Variants in PKP4 observed in about 807,000 individuals in gnomAD.
PKP4 encodes the protein plakophilin-4.
Under a neutral mutation model 145.1 loss-of-function variants are expected in PKP4, and 90 were observed. That is an observed-to-expected ratio of 0.62 (90% confidence interval 0.52 to 0.74). The LOEUF (loss-of-function observed/expected upper bound fraction) is 0.74. Among genes scored for constraint, PKP4 ranks in the 30% least tolerant of loss-of-function variants. The probability of loss-of-function intolerance (pLI) is 0.00; values close to 1 mark genes in which losing one functional copy is unlikely to be tolerated. For missense variants in PKP4, 1,340 were observed against 1,482.7 expected, an observed-to-expected ratio of 0.90 and a Z score of 1.58; for synonymous variants, 563 against 577.2, an observed-to-expected ratio of 0.98 and a Z score of 0.35.
In PKP4 at chr2:158,621,290, C is replaced by G. The variant is rs1271283452; in HGVS notation, c.472C>G (p.Gln158Glu). 6.2e-7 allele frequency: 1 copy of G among 1,614,002 alleles called. No homozygotes were observed. The highest frequency in any genetic ancestry group is 2.2e-5 in the East Asian group (1 of 44,892). The part of the protein sequence containing the change: ...QMNSYSDSGY[Q>E]EAGSFHNSQN... ...GAATTCTTATTCCGACAGTGGATAC[C>G]AGGAAGCAGGGAGTTTCCACAACAG... Residue 158 changes from glutamine to glutamate, a missense_variant, in exon 6 of 22, where the codon CAG becomes GAG. Gln to Glu is a conservative substitution (Grantham distance 29). Transcript: ENST00000389759.
At chr2:158,623,444 A>G (rs892569074) in intron 6 of PKP4, among the ~76,000 whole-genome samples, 1 of 151,884 alleles carries the variant, frequency 6.6e-6, no homozygotes, top group African/African-American at 2.4e-5. Flanking sequence ...CAGTCTCCCA[A>G]TGTGTAGGGA....
intron 2 of PKP4, among the ~76,000 whole-genome samples, chr2:158,544,738 ACTC>A (rs2044829481): frequency 1.3e-5 from 2 of 152,064 alleles, no homozygotes; most frequent in Non-Finnish European, 2.9e-5. Flanking sequence ...CTCTGCCACT[ACTC>A]CAACTTATCT....
chr2:158,563,559 A>G (rs2046718048), intron 2 of PKP4, among the ~76,000 whole-genome samples: 1 of 152,152 alleles, frequency 6.6e-6, no homozygotes, highest in Admixed American at 6.5e-5. Flanking sequence ...GAATCCTATT[A>G]TGTAGATGTA....
chr2:158,522,654 C>T (rs112581845), intron 1 of PKP4, among the ~76,000 whole-genome samples: 9,601 of 152,252 alleles, frequency 0.063, 398 homozygotes, highest in South Asian at 0.11. Context: ...GGAACAGCTC[C>T]GGTCTACAGC....
intron 2 of PKP4, among the ~76,000 whole-genome samples, chr2:158,559,234 A>C (rs1479423896): frequency 1.3e-5 from 2 of 151,670 alleles, no homozygotes; most frequent in African/African-American, 4.8e-5. Flanking sequence ...GTCCCAAGAG[A>C]ATTGGGATCA....
intron 2 of PKP4, among the ~76,000 whole-genome samples, chr2:158,570,648 A>G (rs2047343979): frequency 6.6e-6 from 1 of 152,168 alleles, no homozygotes; most frequent in Non-Finnish European, 1.5e-5. Context: ...ATACATAGTC[A>G]TGGAAAGGTA....
chr2:158,516,131 T>C (rs75970916), intron 1 of PKP4, among the ~76,000 whole-genome samples: 1 of 151,924 alleles, frequency 6.6e-6, no homozygotes, highest in Non-Finnish European at 1.5e-5. Context: ...GTTCTTTTTT[T>C]CATGATTTCT....
chr2:158,611,897 C>G (rs1331570008), intron 4 of PKP4, among the ~76,000 whole-genome samples: 2 of 151,874 alleles, frequency 1.3e-5, no homozygotes, highest in East Asian at 1.9e-4. Context: ...TTCTACAGGC[C>G]CATTTAGCCA....
chr2:158,616,919 T>G (rs1180591510), intron 4 of PKP4, among the ~76,000 whole-genome samples: 1 of 152,158 alleles, frequency 6.6e-6, no homozygotes, highest in African/African-American at 2.4e-5. Context: ...AAGCATATCT[T>G]CATGCACACA....
intron 1 of PKP4, among the ~76,000 whole-genome samples, chr2:158,466,941 A>C (rs1690715809): frequency 6.6e-6 from 1 of 152,220 alleles, no homozygotes; most frequent in African/African-American, 2.4e-5. Flanking sequence ...TTGAAGAGTT[A>C]AGACAGAAGT....
At chr2:158,535,657 C>G (rs576947048) in intron 2 of PKP4, among the ~76,000 whole-genome samples, 3 of 152,214 alleles carry the variant, frequency 2.0e-5, no homozygotes, top group Non-Finnish European at 4.4e-5. Flanking sequence ...TGGCCGCATG[C>G]AGTCCTCCTG....
intron 1 of PKP4, among the ~76,000 whole-genome samples, chr2:158,527,543 AC>A (rs1470597482): frequency 1.4e-4 from 4 of 27,758 alleles, no homozygotes; most frequent in African/African-American, 6.1e-4. Flanking sequence ...CTAGAAGAAA[AC>A]CTAGGCATTA....
chr2:158,549,515 T>C (rs2045405758), intron 2 of PKP4, among the ~76,000 whole-genome samples: 2 of 152,044 alleles, frequency 1.3e-5, no homozygotes, highest in Admixed American at 6.6e-5. Context: ...CCCCTAGATT[T>C]AGACCTCTTT....
At chr2:158,590,717 G>A (rs2049198274) in intron 3 of PKP4, among the ~76,000 whole-genome samples, 1 of 152,092 alleles carries the variant, frequency 6.6e-6, no homozygotes, top group South Asian at 2.1e-4. Flanking sequence ...ACTGAATGAA[G>A]TAGTTTAATC....
chr2:158,613,027 C>G (rs2051277589), intron 4 of PKP4, among the ~76,000 whole-genome samples: 1 of 152,132 alleles, frequency 6.6e-6, no homozygotes, highest in Admixed American at 6.5e-5. Context: ...AAAATCACCA[C>G]TGGATATAAT....
intron 2 of PKP4, among the ~76,000 whole-genome samples, chr2:158,550,743 G>A (rs1469197909): frequency 6.6e-6 from 1 of 152,186 alleles, no homozygotes; most frequent in Non-Finnish European, 1.5e-5. Flanking sequence ...CTCAAACTGT[G>A]GATTTTACAT....
intron 7 of PKP4, among the ~76,000 whole-genome samples, chr2:158,628,757 G>A (rs962984128): frequency 1.3e-5 from 2 of 152,170 alleles, no homozygotes; most frequent in East Asian, 1.9e-4. Flanking sequence ...CCAGATACTT[G>A]TAAAATGAGA....
intron 2 of PKP4, among the ~76,000 whole-genome samples, chr2:158,546,623 G>C (rs2045068095): frequency 6.6e-6 from 1 of 152,184 alleles, no homozygotes; most frequent in South Asian, 2.1e-4. Context: ...TCACTTTTGA[G>C]AACAAGATTT....
At chr2:158,642,180 C>T (rs1297120737) in intron 10 of PKP4, among the ~76,000 whole-genome samples, 2 of 152,228 alleles carry the variant, frequency 1.3e-5, no homozygotes, top group African/African-American at 4.8e-5. Flanking sequence ...TGCCTCAACA[C>T]CCAGCTAAGT....
Sources: gnomAD v4.1 joint callset for allele counts (sites outside exome capture counted in the v4.1 genomes callset) on GRCh38, gnomAD v4.1.1 for gene constraint, MANE v1.5 for transcripts, NCBI Gene and HGNC (gene_info 2026-07-23, HGNC 2026-07-21) for gene names.